Variants in BMPR2 observed in about 807,000 individuals in gnomAD.
BMPR2 encodes the protein bone morphogenetic protein receptor type 2, also known as bone morphogenetic protein receptor type-2.
A neutral mutation model predicts 100.8 loss-of-function variants in BMPR2; 29 were observed. That is an observed-to-expected ratio of 0.29 (90% confidence interval 0.21 to 0.39). BMPR2 has a LOEUF of 0.39. Among genes scored for constraint, BMPR2 ranks in the 10% least tolerant of loss-of-function variants. The pLI is 1.00. For synonymous variants in BMPR2, 382 were observed against 442.3 expected (o/e 0.86, Z 1.71); for missense variants, 1,011 against 1,274.5 (o/e 0.79, Z 3.15).
At chr2:202,437,911 A>ACG (rs769170948) in intron 1 of BMPR2, among the ~76,000 whole-genome samples, 3,066 of 150,702 alleles carry the variant, frequency 0.02, 68 homozygotes, top group South Asian at 0.038. Context: ...ATTGTGAATA[A>ACG]TGCCATTATG....
At chr2:202,490,874 AAGG>A (rs1187905593) in intron 3 of BMPR2, among the ~76,000 whole-genome samples, 2 of 152,166 alleles carry the variant, frequency 1.3e-5, no homozygotes, top group African/African-American at 4.8e-5. Context: ...CTCACTATAT[AAGG>A]AGTATGGTTT....
At chr2:202,480,209 T>C (rs146006317) in intron 3 of BMPR2, among the ~76,000 whole-genome samples, 2,997 of 152,294 alleles carry the variant, frequency 0.02, 42 homozygotes, top group Non-Finnish European at 0.031. Flanking sequence ...GTCAGCTCAC[T>C]GCAACCTCCA....
chr2:202,395,818 C>A (rs892047417), intron 1 of BMPR2, among the ~76,000 whole-genome samples: 1 of 152,154 alleles, frequency 6.6e-6, no homozygotes, highest in South Asian at 2.1e-4. Flanking sequence ...AGCCTATAAT[C>A]CCAGCCACTC....
chr2:202,555,519 A>G lies in BMPR2; in HGVS notation c.1854A>G (p.Thr618=). ...LSTNTTTTNT[T]GLTPSTGMTT... ...CCAACACAACAACCACAAACACCAC[A>G]GGACTCACGCCAAGTACTGGCATGA... The change falls in exon 12 of 13, where the codon ACA becomes ACG. Residue 618 remains threonine, a synonymous_variant. Coordinates refer to ENST00000374580, the MANE Select transcript of BMPR2 (RefSeq NM_001204.7). The G allele has an allele frequency of 6.2e-7, 1 of 1,614,172 alleles. No homozygotes were observed. The highest frequency in any genetic ancestry group is 8.5e-7 in the Non-Finnish European group (1 of 1,180,016).
At chr2:202,444,718 G>A (rs762160331) in intron 1 of BMPR2, among the ~76,000 whole-genome samples, 5 of 150,634 alleles carry the variant, frequency 3.3e-5, no homozygotes, top group Non-Finnish European at 7.4e-5. Context: ...CTCTACATTT[G>A]GAAGTAGTGT....
At position 202,381,636 on chromosome 2, in the gene BMPR2, A is replaced by G. The variant is rs189278403; in HGVS notation, c.76+4086A>G. ...TAGTACTATTGCAGAAGAACGAAGA[A>G]TTGAAATTCTCAGTAGACCACATAT... On this transcript the variant is annotated intron_variant, in intron 1 of 12. Coordinates refer to ENST00000374580, the MANE Select transcript of BMPR2 (RefSeq NM_001204.7). 2.7e-4 allele frequency among the ~76,000 whole-genome samples: 41 copies of G among 152,340 alleles called. No homozygotes were observed. In the East Asian group the frequency reaches 4.4e-3, roughly 16 times the overall value.
intron 1 of BMPR2, among the ~76,000 whole-genome samples, chr2:202,405,207 T>C (rs1305511755): frequency 6.6e-6 from 1 of 152,116 alleles, no homozygotes; most frequent in African/African-American, 2.4e-5. Flanking sequence ...AGTTTTGTGG[T>C]CCTGAAGCCT....
rs563310439 is a variant in BMPR2, at chr2:202,443,864, AT to A, written c.77-20937del. 4.7e-5 allele frequency among the ~76,000 whole-genome samples: 7 copies of A among 150,114 alleles called. 1 individual carries two copies. The highest frequency in any genetic ancestry group is 1.3e-4 in the African/African-American group (5 of 39,714). On this transcript the variant is annotated intron_variant, in intron 1 of 12. Transcript: ENST00000374580. ...GCTCATTGACATCTTGTACCAGATA[AT>A]TTTTTTTCCAGATAATTTCTGTGTG...
At chr2:202,464,609 T>C (rs1198772078) in intron 1 of BMPR2, among the ~76,000 whole-genome samples, 200 bp from the exon 2 acceptor site, 3 of 151,976 alleles carry the variant, frequency 2.0e-5, no homozygotes, top group Admixed American at 2.0e-4. Context: ...AATTTTAAAA[T>C]TTCCTTCTTG....
chr2:202,536,617 A>G (rs11901984), intron 9 of BMPR2, among the ~76,000 whole-genome samples: 1 of 152,028 alleles, frequency 6.6e-6, no homozygotes, highest in African/African-American at 2.4e-5. Context: ...TCACGCCTGT[A>G]ATCCCAGCAC....
chr2:202,500,472 C>T (rs1203991738), intron 3 of BMPR2, among the ~76,000 whole-genome samples: 2 of 152,178 alleles, frequency 1.3e-5, no homozygotes. Flanking sequence ...GGAATCAACC[C>T]TGAAGTCTGG....
intron 1 of BMPR2, among the ~76,000 whole-genome samples, chr2:202,379,385 C>T (rs768902770): frequency 2.0e-5 from 3 of 152,050 alleles, no homozygotes; most frequent in Admixed American, 2.0e-4. Flanking sequence ...ATTATGGAGC[C>T]AGGATTATAG....
intron 1 of BMPR2, among the ~76,000 whole-genome samples, chr2:202,393,874 T>TGAGAGAGAGA (rs1452564596): frequency 2.6e-5 from 2 of 76,728 alleles, no homozygotes; most frequent in Non-Finnish European, 5.0e-5. Context: ...ATTAAGGTAA[T>TGAGAGAGAGA]GAGAGAGCGA....
At chr2:202,414,014 C>T (rs1691072270) in intron 1 of BMPR2, among the ~76,000 whole-genome samples, 1 of 152,066 alleles carries the variant, frequency 6.6e-6, no homozygotes, top group South Asian at 2.1e-4. Flanking sequence ...ACAGGCATAC[C>T]TTGTTTATTG....
intron 3 of BMPR2, chr2:202,505,249 T>A (rs1429607445): frequency 1.3e-5 from 2 of 152,142 alleles, no homozygotes; most frequent in African/African-American, 2.4e-5. Flanking sequence ...AGGGGACTTC[T>A]GATTAGGACT....
intron 7 of BMPR2, among the ~76,000 whole-genome samples, chr2:202,526,877 T>C (rs1687923124): frequency 6.6e-6 from 1 of 152,198 alleles, no homozygotes; most frequent in Admixed American, 6.5e-5. Flanking sequence ...ATGGGATTTT[T>C]CTTTTTTTTG....
Position 202,520,075 on chromosome 2 carries a change from T to C in BMPR2, c.853-12T>C, listed in dbSNP as rs1687794179. ...TACCTTTTTTTTTTTTCGCATTTTT[T>C]CCTCTATATAGGGATCTTTATGCAA... is the stretch of plus-strand genomic sequence containing the variant. On this transcript the variant is annotated splice_polypyrimidine_tract_variant and intron_variant, in intron 6 of 12. Transcript: ENST00000374580. 21 of 1,569,118 alleles carry C rather than the reference T, an allele frequency of 1.3e-5. No homozygotes were observed. Among genetic ancestry groups the C allele is most frequent in the Non-Finnish European group, 1.8e-5 (21 of 1,141,164 alleles).
chr2:202,533,775 A>G (rs1459413986), intron 9 of BMPR2, among the ~76,000 whole-genome samples: 1 of 152,184 alleles, frequency 6.6e-6, no homozygotes, highest in Non-Finnish European at 1.5e-5. Context: ...GTGAGCTGAG[A>G]TCACGCCATG....
At chr2:202,528,389 G>A (rs956059292) in intron 7 of BMPR2, among the ~76,000 whole-genome samples, 1 of 152,028 alleles carries the variant, frequency 6.6e-6, no homozygotes, top group South Asian at 2.1e-4. Flanking sequence ...GGGTTTCACT[G>A]TGTTGGCCAG....
Sources: allele counts gnomAD v4.1 joint callset (sites outside exome capture counted in the v4.1 genomes callset), GRCh38; gene constraint gnomAD v4.1.1; transcripts MANE v1.5; gene names NCBI Gene and HGNC (gene_info 2026-07-23, HGNC 2026-07-21).